DLGAP2: variants seen among roughly 807,000 people sequenced by gnomAD.
The protein encoded by DLGAP2 is DLG associated protein 2.
In DLGAP2, 26 loss-of-function variants were observed where a neutral mutation model predicts 100.3. The observed-to-expected ratio is 0.26, with a 90% CI of 0.19 to 0.36. The LOEUF is 0.36. Among genes scored for constraint, DLGAP2 ranks in the 10% least tolerant of loss-of-function variants. The probability of loss-of-function intolerance (pLI) is 1.00; values close to 1 mark genes in which losing one functional copy is unlikely to be tolerated. For synonymous variants in DLGAP2, 886 were observed against 630.1 expected, an observed-to-expected ratio of 1.41 and a Z score of -6.08; for missense variants, 1,858 against 1,453.2, an observed-to-expected ratio of 1.28 and a Z score of -4.53.
At position 1,693,442 on chromosome 8, in the gene DLGAP2, T is replaced by G. The variant is rs187101250; in HGVS notation, c.2796+1816T>G. Reference sequence around the variant, plus strand: ...ATTCACTATTTTGAGAAATAGTAAATAATAGTTATGCTACTTAATAAGTTG... The same window carrying G: ...ATTCACTATTTTGAGAAATAGTAAAGAATAGTTATGCTACTTAATAAGTTG... On this transcript the variant is annotated intron_variant, in intron 13 of 14. Transcript: ENST00000637795. 2.7e-3 allele frequency among the ~76,000 whole-genome samples: 410 copies of G among 152,130 alleles called. 3 individuals carry two copies. Among genetic ancestry groups the G allele is most frequent in the African/African-American group, 9.2e-3 (380 of 41,526 alleles).
intron 2 of DLGAP2, among the ~76,000 whole-genome samples, chr8:918,851 T>C (rs2129000994): frequency 6.6e-6 from 1 of 152,338 alleles, no homozygotes; most frequent in South Asian, 2.1e-4. Flanking sequence ...AAAGCATATT[T>C]TTTGAGTTAT....
chr8:980,645 G>C (rs1322885158), intron 2 of DLGAP2, among the ~76,000 whole-genome samples: 1 of 152,222 alleles, frequency 6.6e-6, no homozygotes, highest in East Asian at 1.9e-4. Flanking sequence ...GGGCAGGTAA[G>C]AGGAGGAGTC....
At chr8:1,649,790 CT>C (rs1798123248) in intron 8 of DLGAP2, among the ~76,000 whole-genome samples, 1 of 152,100 alleles carries the variant, frequency 6.6e-6, no homozygotes, top group African/African-American at 2.4e-5. Context: ...CATGGGAAAG[CT>C]TTGAAAATCC....
intron 1 of DLGAP2, among the ~76,000 whole-genome samples, chr8:866,632 G>A (rs1437854622): frequency 6.6e-6 from 1 of 152,184 alleles, no homozygotes; most frequent in Non-Finnish European, 1.5e-5. Flanking sequence ...TGTGGCCATC[G>A]GGAAGCGCTT....
chr8:1,403,994 G>A (rs1385727485), intron 3 of DLGAP2, among the ~76,000 whole-genome samples: 1 of 28,770 alleles, frequency 3.5e-5, no homozygotes. Flanking sequence ...TGCTTACTGA[G>A]TGCCACCTCC....
chr8:993,863 A>G (rs1487643277), intron 2 of DLGAP2, among the ~76,000 whole-genome samples: 1 of 126,452 alleles, frequency 7.9e-6, no homozygotes, highest in South Asian at 2.5e-4. Flanking sequence ...AGGGCCTTTG[A>G]TAATACACCA....
intron 2 of DLGAP2, among the ~76,000 whole-genome samples, chr8:1,217,255 C>G (rs148670057): frequency 6.6e-6 from 1 of 152,174 alleles, no homozygotes; most frequent in East Asian, 1.9e-4. Context: ...ATAATGGCCT[C>G]TAGCTGCCTC....
chr8:1,450,887 C>G (rs1217523310), intron 3 of DLGAP2, among the ~76,000 whole-genome samples: 3 of 152,124 alleles, frequency 2.0e-5, no homozygotes, highest in Non-Finnish European at 2.9e-5. Flanking sequence ...CCGTAATAAA[C>G]AGTCCTCTAT....
intron 1 of DLGAP2, among the ~76,000 whole-genome samples, chr8:817,826 T>A (rs894409923): frequency 6.6e-6 from 1 of 152,202 alleles, no homozygotes. Flanking sequence ...TGTCTTAAAG[T>A]CTTGCAGATG....
chr8:1,180,291 T>G (rs7844065), intron 2 of DLGAP2, among the ~76,000 whole-genome samples: 1 of 151,600 alleles, frequency 6.6e-6, no homozygotes, highest in Non-Finnish European at 1.5e-5. Flanking sequence ...CGTGGAACTC[T>G]TCCACACTGC....
At chr8:942,120 C>G (rs1219865204) in intron 2 of DLGAP2, among the ~76,000 whole-genome samples, 1 of 152,152 alleles carries the variant, frequency 6.6e-6, no homozygotes, top group Non-Finnish European at 1.5e-5. Flanking sequence ...CTATGTCCAG[C>G]TAATATTTGT....
At chr8:931,043 G>A (rs1217326133) in intron 2 of DLGAP2, among the ~76,000 whole-genome samples, 1 of 152,134 alleles carries the variant, frequency 6.6e-6, no homozygotes, top group East Asian at 1.9e-4. Context: ...TTCGTCAAAT[G>A]ATTTCCCGAG....
chr8:1,250,255 G>A (rs1585191478), intron 2 of DLGAP2: 2 of 152,310 alleles, frequency 1.3e-5, no homozygotes, highest in South Asian at 4.1e-4. Context: ...GGCATTTCAG[G>A]ACGTGACAAT....
intron 1 of DLGAP2, among the ~76,000 whole-genome samples, chr8:764,102 G>A (rs997657474): frequency 2.0e-5 from 3 of 152,134 alleles, no homozygotes; most frequent in Admixed American, 1.3e-4. Context: ...GACTGGCGAG[G>A]TACTGAGTCA....
intron 6 of DLGAP2, among the ~76,000 whole-genome samples, chr8:1,626,525 C>T (rs987010236): frequency 0.042 from 3,937 of 93,984 alleles, 7 homozygotes; most frequent in African/African-American, 0.098. Context: ...CTCTACCCTG[C>T]AGCAGGTGCT....
intron 3 of DLGAP2, among the ~76,000 whole-genome samples, chr8:1,374,672 C>T (rs1001654557): frequency 6.6e-6 from 1 of 152,148 alleles, no homozygotes; most frequent in Non-Finnish European, 1.5e-5. Flanking sequence ...ATTTCTGAGT[C>T]GTTTGGATTC....
At chr8:1,052,340 A>G (rs1643838866) in intron 2 of DLGAP2, among the ~76,000 whole-genome samples, 1 of 152,236 alleles carries the variant, frequency 6.6e-6, no homozygotes, top group South Asian at 2.1e-4. Flanking sequence ...GCCATGGGGT[A>G]TTTAAAGCTC....
At chr8:1,645,597 T>C (rs1798022464) in intron 8 of DLGAP2, among the ~76,000 whole-genome samples, 1 of 152,230 alleles carries the variant, frequency 6.6e-6, no homozygotes, top group Admixed American at 6.5e-5. Context: ...ACATTTGAAA[T>C]ATTTAAAATG....
chr8:1,302,087 G>A (rs181037643), intron 3 of DLGAP2: 1 of 152,510 alleles, frequency 6.6e-6, no homozygotes, highest in African/African-American at 2.4e-5. Context: ...TAGCTGGGAA[G>A]GGAAAGGGAA....
Sources: gnomAD v4.1 joint callset for allele counts (sites outside exome capture counted in the v4.1 genomes callset) on GRCh38, gnomAD v4.1.1 for gene constraint, MANE v1.5 for transcripts, NCBI Gene and HGNC (gene_info 2026-07-23, HGNC 2026-07-21) for gene names.